The following AEBP2 variants were observed in gnomAD, a reference collection of about 807,000 sequenced individuals.
The protein encoded by AEBP2 is zinc finger protein AEBP2.
In AEBP2, 10 loss-of-function variants were observed where a neutral mutation model predicts 50.8. The ratio of observed to expected loss-of-function variants is 0.20; its 90% CI spans 0.12 to 0.33. The LOEUF is 0.33. Ranked by LOEUF, AEBP2 falls within the 10% of genes least tolerant of loss-of-function variation. The pLI, the probability that AEBP2 is intolerant of heterozygous loss-of-function variation, is 1.00. For missense variants in AEBP2, 570 were observed against 688.0 expected (o/e 0.83, Z 1.92); for synonymous variants, 296 against 261.3 (o/e 1.13, Z -1.28).
chr12:19,476,923 TATTA>T (rs765863338), intron 3 of AEBP2, among the ~76,000 whole-genome samples: 54 of 152,204 alleles, frequency 3.5e-4, no homozygotes, highest in Non-Finnish European at 5.7e-4. Context: ...ATATTCACAA[TATTA>T]ATTCTACCCA....
intron 6 of AEBP2, among the ~76,000 whole-genome samples, chr12:19,512,934 T>G (rs577899334): frequency 2.0e-5 from 3 of 152,138 alleles, no homozygotes; most frequent in Admixed American, 1.3e-4. Context: ...GGTAACAGAG[T>G]GAGACTGTCT....
intron 1 of AEBP2, among the ~76,000 whole-genome samples, chr12:19,458,323 G>A (rs1265794941): frequency 1.3e-5 from 2 of 152,202 alleles, no homozygotes; most frequent in African/African-American, 4.8e-5. Flanking sequence ...ATACTTCCTA[G>A]AAGTTGGAGG....
chr12:19,422,647 C>T (rs554848627), intron 1 of AEBP2, among the ~76,000 whole-genome samples: 2 of 151,686 alleles, frequency 1.3e-5, no homozygotes, highest in African/African-American at 2.4e-5. Context: ...CAGGCATGTG[C>T]CACCATGCCT....
intron 1 of AEBP2, among the ~76,000 whole-genome samples, chr12:19,452,450 TC>T (rs1280035593): frequency 1.3e-5 from 2 of 152,258 alleles, no homozygotes; most frequent in Non-Finnish European, 2.9e-5. Flanking sequence ...ATTGCTTTTT[TC>T]CCCTTAATAG....
intron 1 of AEBP2, among the ~76,000 whole-genome samples, chr12:19,446,743 A>G (rs886185197): frequency 1.8e-4 from 27 of 151,776 alleles, no homozygotes; most frequent in African/African-American, 6.0e-4. Context: ...AAAAAAAAAA[A>G]AAAAAAAAGA....
chr12:19,445,462 C>T (rs768141692), intron 1 of AEBP2, among the ~76,000 whole-genome samples: 120 of 151,724 alleles, frequency 7.9e-4, no homozygotes, highest in Non-Finnish European at 1.4e-3. Context: ...GATCCGCTTG[C>T]CTCGGCCTCC....
At chr12:19,514,919 T>G (rs1328445333) in intron 7 of AEBP2, 135 bp downstream of exon 7, 2 of 671,496 alleles carry the variant, frequency 3.0e-6, no homozygotes, top group South Asian at 1.9e-5. Context: ...TGGCTTTTTT[T>G]TTTTTGGATG....
intron 3 of AEBP2, among the ~76,000 whole-genome samples, chr12:19,490,658 G>T (rs1948883945): frequency 6.6e-6 from 1 of 152,134 alleles, no homozygotes; most frequent in African/African-American, 2.4e-5. Context: ...TAGAGACAGG[G>T]TTTCACTGTG....
intron 6 of AEBP2, among the ~76,000 whole-genome samples, chr12:19,513,734 A>G (rs1343453809): frequency 9.9e-5 from 15 of 152,174 alleles, no homozygotes. Flanking sequence ...CTGCAACTCA[A>G]GCTTGGGTGA....
rs545170365 is a variant in AEBP2 at position 19,473,334 on chromosome 12, C to T, written c.966C>T (p.His322=). The change falls in exon 3 of 8, where the codon CAC becomes CAT. Residue 322 remains histidine (H), a synonymous_variant. Transcript: ENST00000266508. ...GGTTACAAAGGCATATGCTGACACACAGTGGAGACAAACCTTTCAAGGTAA... is the reference window on the plus strand; with the variant it reads ...GGTTACAAAGGCATATGCTGACACATAGTGGAGACAAACCTTTCAAGGTAA... ...QSWLQRHMLT[H]SGDKPFKCVV... The T allele has an allele frequency of 2.0e-6, 3 of 1,491,078 alleles. No individual in the cohort carries two copies. Among genetic ancestry groups the T allele is most frequent in the East Asian group, 5.2e-5 (2 of 38,606 alleles). 92.4% of individuals were successfully genotyped at this position (1,491,078 alleles called of 1,614,324 possible).
chr12:19,413,607 G>T (rs2095740614), intron 1 of AEBP2: 1 of 578,826 alleles, frequency 1.7e-6, no homozygotes, highest in East Asian at 2.9e-5. Flanking sequence ...ATAAAAGAAT[G>T]GCTATTCCAT....
In AEBP2 at chr12:19,423,725, C is replaced by T. The variant is rs988971953; in HGVS notation, c.-17+19509C>T. Among the ~76,000 whole-genome samples, 5 of 152,082 alleles carry T rather than the reference C, an allele frequency of 3.3e-5. No homozygotes were observed. In the South Asian group the frequency reaches 8.3e-4, roughly 25 times the overall value. On this transcript the variant is annotated intron_variant, in intron 1 of 3. Transcript: ENST00000538425. Reference sequence around the variant, plus strand: ...GCACCATGGCTTACGCCTGTAATCCCAGCTACTCAGGAGGCTGAAGCAGGA... The same window carrying T: ...GCACCATGGCTTACGCCTGTAATCCTAGCTACTCAGGAGGCTGAAGCAGGA...
chr12:19,410,746 TC>T (rs531318502), intron 1 of AEBP2, among the ~76,000 whole-genome samples: 15 of 152,342 alleles, frequency 9.8e-5, no homozygotes, highest in African/African-American at 3.4e-4. Context: ...TTCCCAGGCT[TC>T]TGGAAATAAT....
chr12:19,517,720 C>A (rs1188420504), intron 7 of AEBP2, among the ~76,000 whole-genome samples: 1 of 152,204 alleles, frequency 6.6e-6, no homozygotes, highest in Non-Finnish European at 1.5e-5. Context: ...CTAGGCTCAT[C>A]TTGAACTCCT....
intron 1 of AEBP2, among the ~76,000 whole-genome samples, chr12:19,424,789 C>T (rs1441396895): frequency 6.6e-6 from 1 of 151,850 alleles, no homozygotes; most frequent in African/African-American, 2.4e-5. Context: ...GGGTGGATCA[C>T]TTGAGGTCAG....
chr12:19,434,420 G>A lies in AEBP2; in HGVS notation c.-16-28090G>A, dbSNP rs530919403. Among the ~76,000 whole-genome samples the A allele has an allele frequency of 1.4e-4, 21 of 151,526 alleles. No homozygotes were observed. In the East Asian group the frequency reaches 3.9e-3, roughly 28 times the overall value. On this transcript the variant is annotated intron_variant, in intron 1 of 3. Coordinates refer to the AEBP2 transcript ENST00000538425. ...ACTCCCGACCTCAGGTGATCCACTC[G>A]CCTTGGCCTCCCAAAGTGCTGGGAT...
chr12:19,512,309 C>T (rs2120603551), intron 5 of AEBP2, 89 bp from the exon 6 acceptor site: 15 of 848,608 alleles, frequency 1.8e-5, no homozygotes, highest in South Asian at 1.3e-4. Context: ...CATGAGCCAT[C>T]GCGCCCAGCC....
At chr12:19,497,667 T>G (rs1433441082) in intron 4 of AEBP2, among the ~76,000 whole-genome samples, 6 of 152,098 alleles carry the variant, frequency 3.9e-5, no homozygotes, top group Non-Finnish European at 5.9e-5. Context: ...GAGATGGGGT[T>G]TTACCATGTT....
At chr12:19,489,649 A>G (rs1332370683) in intron 3 of AEBP2, among the ~76,000 whole-genome samples, 2 of 152,174 alleles carry the variant, frequency 1.3e-5, no homozygotes, top group Non-Finnish European at 2.9e-5. Flanking sequence ...CTAAAACCAT[A>G]CTCAGCAACA....
Sources: allele counts gnomAD v4.1 joint callset (sites outside exome capture counted in the v4.1 genomes callset), GRCh38; gene constraint gnomAD v4.1.1; transcripts MANE v1.5; gene names NCBI Gene and HGNC (gene_info 2026-07-23, HGNC 2026-07-21).